The following FAM161A variants were observed in gnomAD, a reference collection of about 807,000 sequenced individuals.
FAM161A encodes the protein FAM161 centrosomal protein A.
A neutral mutation model predicts 70.9 loss-of-function variants in FAM161A; 57 were observed. The observed-to-expected ratio is 0.80, with a 90% CI of 0.65 to 1.00. FAM161A has a LOEUF of 1.00. Ranked by LOEUF, FAM161A falls within the 50% of genes least tolerant of loss-of-function variation. FAM161A has a pLI of 0.00. For missense variants in FAM161A, 880 were observed against 836.0 expected (o/e 1.05, Z -0.65); for synonymous variants, 299 against 295.7 (o/e 1.01, Z -0.12).
chr2:61,823,634 G>A (rs1461616201), downstream of FAM161A, among the ~76,000 whole-genome samples: 1 of 151,974 alleles, frequency 6.6e-6, no homozygotes, highest in Non-Finnish European at 1.5e-5. Flanking sequence ...CGAAAGTGCT[G>A]AGATTACAGG....
chr2:61,849,614 G>A (rs1319638936), intron 1 of FAM161A, among the ~76,000 whole-genome samples: 8 of 151,760 alleles, frequency 5.3e-5, no homozygotes, highest in African/African-American at 1.7e-4. Flanking sequence ...GTAAAACCCC[G>A]TCTCTACTAA....
At chr2:61,804,559 C>T in the FAM161A span, among the ~76,000 whole-genome samples, 3 of 151,762 alleles carry the variant, frequency 2.0e-5, no homozygotes, top group Admixed American at 6.6e-5. Context: ...CTGGTGTGCA[C>T]CTGTAATCCC....
the FAM161A span, among the ~76,000 whole-genome samples, chr2:61,813,951 G>A: frequency 2.0e-5 from 3 of 152,076 alleles, no homozygotes; most frequent in Non-Finnish European, 2.9e-5. Flanking sequence ...AATTATGACC[G>A]AACCCTGAGG....
chr2:61,839,585 C>T lies in FAM161A; in HGVS notation c.1419G>A (p.Leu473=), dbSNP rs1558483174. The change falls in exon 3 of 7, where the codon TTG becomes TTA. Residue 473 remains leucine (L), a synonymous_variant. Coordinates refer to ENST00000404929, the MANE Select transcript of FAM161A (RefSeq NM_001201543.2). ...TTTCTTCATCTGCTTCGATGTCTGCCAAAATTTTTTCTCTTTTAATAGATG... is the reference window on the plus strand; with the variant it reads ...TTTCTTCATCTGCTTCGATGTCTGCTAAAATTTTTTCTCTTTTAATAGATG... ...PHASIKREKI[L]ADIEADEENL... The T allele has an allele frequency of 1.2e-6, 2 of 1,614,156 alleles. No homozygotes were observed. The highest frequency in any genetic ancestry group is 1.7e-6 in the Non-Finnish European group (2 of 1,180,028).
At chr2:61,847,003 A>AG in intron 1 of FAM161A, 1 of 299,700 alleles carries the variant, frequency 3.3e-6, no homozygotes, top group Admixed American at 3.6e-5. Context: ...ATCTCTACTA[A>AG]AAACAAAACT....
chr2:61,821,664 T>G (rs1672205559), downstream of FAM161A, among the ~76,000 whole-genome samples: 1 of 152,120 alleles, frequency 6.6e-6, no homozygotes, highest in East Asian at 1.9e-4. Context: ...ACTCCTGGAC[T>G]CAAGTGATTT....
At chr2:61,844,122 G>A (rs556440025) in intron 1 of FAM161A, among the ~76,000 whole-genome samples, 2 of 151,934 alleles carry the variant, frequency 1.3e-5, no homozygotes, top group Non-Finnish European at 2.9e-5. Context: ...CAGCCTAGGC[G>A]ACAGAGCGAG....
intron 1 of FAM161A, among the ~76,000 whole-genome samples, chr2:61,846,083 T>C (rs1050972341): frequency 1.9e-4 from 16 of 84,200 alleles, no homozygotes; most frequent in Admixed American, 1.1e-3. Flanking sequence ...AGCAAGACTC[T>C]GTCTCAAAAA....
rs560812080 is a variant in FAM161A at position 61,835,339 on chromosome 2, G to A, written c.1851+671C>T. 2.1e-3 allele frequency among the ~76,000 whole-genome samples: 313 copies of A among 152,302 alleles called. 2 individuals carry two copies. Among genetic ancestry groups the A allele is most frequent in the Non-Finnish European group, 4.0e-3 (269 of 68,030 alleles). On this transcript the variant is annotated intron_variant, in intron 5 of 6. Transcript: ENST00000404929. ...CCTAAAATTGACAAATTTCCCTTAA[G>A]GGAAAGGTTGTAAAACCGGGCATAA...
chr2:61,833,002 G>A (rs1054589642), intron 5 of FAM161A, among the ~76,000 whole-genome samples: 1 of 152,056 alleles, frequency 6.6e-6, no homozygotes, highest in Non-Finnish European at 1.5e-5. Context: ...CTGTTTGAGG[G>A]GGATTTTTGA....
chr2:61,807,470 C>G, the FAM161A span, among the ~76,000 whole-genome samples: 1 of 151,700 alleles, frequency 6.6e-6, no homozygotes, highest in Admixed American at 6.6e-5. Flanking sequence ...TCTCTCACTA[C>G]TTGAAAATGT....
In FAM161A at chr2:61,842,316, C is replaced by T. The variant is rs776173729; in HGVS notation, c.228G>A (p.Pro76=). 124 of 1,591,174 alleles carry T rather than the reference C, an allele frequency of 7.8e-5. No homozygotes were observed. The highest frequency in any genetic ancestry group is 1.7e-4 in the Middle Eastern group (1 of 6,056). ...AGTTCACAAAGTCCTCATAGCTTAT[C>T]GGTGCATGTTCATCCACCCCAGAAA... is the stretch of plus-strand genomic sequence containing the variant. ...TSFSGVDEHA[P]ISYEDFVNFP... The change falls in exon 2 of 7, where the codon CCG becomes CCA. Residue 76 remains proline, a synonymous_variant. Coordinates refer to ENST00000404929, the MANE Select transcript of FAM161A (RefSeq NM_001201543.2).
rs1394212616 is a variant in FAM161A at position 61,825,782 on chromosome 2, C to T, written c.*673G>A. 1.2e-5 allele frequency: 5 copies of T among 416,894 alleles called. No homozygotes were observed. Among genetic ancestry groups the T allele is most frequent in the East Asian group, 7.1e-5 (1 of 14,080 alleles). 25.8% of individuals were successfully genotyped at this position (416,894 alleles called of 1,614,324 possible). The stretch of plus-strand genomic sequence containing the variant: ...CCTCCCAAGTAGCTGGGACTACAGG[C>T]GCCCACCACCACGCCTGGCTAATTT... On this transcript the variant is annotated 3_prime_UTR_variant, in exon 7 of 7. Coordinates refer to ENST00000404929, the MANE Select transcript of FAM161A (RefSeq NM_001201543.2).
chr2:61,835,532 C>A (rs1044333580), intron 5 of FAM161A: 1 of 151,858 alleles, frequency 6.6e-6, no homozygotes, highest in African/African-American at 2.4e-5. Context: ...TTTTTTAATT[C>A]TTCAAAGACC....
the FAM161A span, among the ~76,000 whole-genome samples, chr2:61,812,657 G>A: frequency 1.3e-5 from 2 of 152,302 alleles, no homozygotes; most frequent in East Asian, 3.9e-4. Flanking sequence ...GGGAGGCAGA[G>A]GTTGCAGTGA....
At chr2:61,806,999 T>A in the FAM161A span, among the ~76,000 whole-genome samples, 1 of 152,106 alleles carries the variant, frequency 6.6e-6, no homozygotes, top group Admixed American at 6.6e-5. Context: ...GCTCAACATC[T>A]TTTTATTTGA....
chr2:61,808,274 A>AT, the FAM161A span, among the ~76,000 whole-genome samples: 156 of 142,090 alleles, frequency 1.1e-3, no homozygotes, highest in East Asian at 2.1e-3. Flanking sequence ...TATTATTATT[A>AT]TTTTTTTTTT....
rs745524377 is a variant in FAM161A at position 61,826,411 on chromosome 2, C to T, written c.*44G>A. The T allele has an allele frequency of 2.6e-5, 42 of 1,606,050 alleles. No individual in the cohort carries two copies. Among genetic ancestry groups the T allele is most frequent in the South Asian group, 1.0e-4 (9 of 89,950 alleles). ...ACAAATGCGGCTGCTGACACCCTGA[C>T]GCTGCAAACAACAGCAAGGGCATAG... On this transcript the variant is annotated 3_prime_UTR_variant, in exon 7 of 7. Transcript: ENST00000404929.
rs886056213 is a variant in FAM161A, at chr2:61,824,948, C to T, written c.*1507G>A. On this transcript the variant is annotated 3_prime_UTR_variant, in exon 7 of 7. Coordinates refer to ENST00000404929, the MANE Select transcript of FAM161A (RefSeq NM_001201543.2). ...ACAAAGATGAATTTTTAAATGGTGC[C>T]AAATCCCAAGGAGTTTACAATATAA... 2 of 452,704 alleles carry T rather than the reference C, an allele frequency of 4.4e-6. No homozygotes were observed. The highest frequency in any genetic ancestry group is 4.0e-5 in the African/African-American group (2 of 49,852). The allele number at this position is 452,704 out of a possible 1,614,324, so 28.0% of individuals were successfully genotyped here.
Sources: gnomAD v4.1 joint callset for allele counts (sites outside exome capture counted in the v4.1 genomes callset) on GRCh38, gnomAD v4.1.1 for gene constraint, MANE v1.5 for transcripts, NCBI Gene and HGNC (gene_info 2026-07-23, HGNC 2026-07-21) for gene names.